Variants in MZT2A observed in about 807,000 individuals in gnomAD.
MZT2A encodes mitotic-spindle organizing protein 2A.
In MZT2A, 8 loss-of-function variants were observed where a neutral mutation model predicts 12.4. That is an observed-to-expected ratio of 0.64 (90% CI 0.38 to 1.16). The LOEUF (loss-of-function observed/expected upper bound fraction) is 1.16, where lower values mean the gene tolerates loss of function less well. Among genes scored for constraint, MZT2A ranks in the 50% most tolerant of loss-of-function variants. The pLI is 0.01. For missense variants in MZT2A, 181 were observed against 223.6 expected, an observed-to-expected ratio of 0.81 and a Z score of 1.22; for synonymous variants, 88 against 107.5, an observed-to-expected ratio of 0.82 and a Z score of 1.12.
intron 2 of MZT2A, chr2:131,489,872 C>T (rs1679217568): frequency 5.2e-6 from 5 of 970,052 alleles, no homozygotes; most frequent in Non-Finnish European, 4.9e-6. Context: ...CACTTCCCTG[C>T]CACGCCCTCT....
upstream of MZT2A, chr2:131,492,959 G>C (rs1437130167): frequency 1.5e-5 from 23 of 1,523,490 alleles, no homozygotes; most frequent in African/African-American, 8.3e-5. Flanking sequence ...CTCCCTGGCC[G>C]GCCGGCCGGC....
chr2:131,475,950 C>G, intron 2 of MZT2A: 1 of 680,342 alleles, frequency 1.5e-6, no homozygotes, highest in Non-Finnish European at 2.4e-6. Flanking sequence ...TTGATGACCC[C>G]CGCTGCCTTC....
At chr2:131,490,262 T>C (rs1183397431) in intron 2 of MZT2A, 18 of 952,302 alleles carry the variant, frequency 1.9e-5, no homozygotes, top group Admixed American at 1.5e-4. Context: ...GACCAGCACA[T>C]GGCATCTGTG....
chr2:131,491,242 C>A (rs559556848), intron 2 of MZT2A: 151 of 384,372 alleles, frequency 3.9e-4, no homozygotes, highest in Non-Finnish European at 6.3e-4. Flanking sequence ...AGTCACCACA[C>A]TGGAGAGGGA....
At chr2:131,492,103 G>A in intron 1 of MZT2A, 79 bp from the exon 2 acceptor site, 3 of 1,561,220 alleles carry the variant, frequency 1.9e-6, no homozygotes, top group African/African-American at 1.4e-5. Flanking sequence ...CAAGGACGGG[G>A]GCGGGGGCAG....
chr2:131,471,562 T>C (rs1000676597), intron 3 of MZT2A, among the ~76,000 whole-genome samples: 2 of 149,510 alleles, frequency 1.3e-5, no homozygotes, highest in Admixed American at 6.6e-5. Context: ...TATAAAGGAG[T>C]TATGGGGGAA....
chr2:131,481,529 G>A (rs1224543432), downstream of MZT2A, among the ~76,000 whole-genome samples: 3 of 149,866 alleles, frequency 2.0e-5, no homozygotes, highest in African/African-American at 5.0e-5. Context: ...TCCACCTCCC[G>A]GGCTCAAGCA....
At chr2:131,481,815 A>G (rs1678874317), downstream of MZT2A, among the ~76,000 whole-genome samples, 1 of 151,988 alleles carries the variant, frequency 6.6e-6, no homozygotes, top group Non-Finnish European at 1.5e-5. Context: ...TGATCTGCCC[A>G]CCTGTCTCCC....
chr2:131,480,970 C>T (rs1356769247), downstream of MZT2A, among the ~76,000 whole-genome samples: 3 of 151,486 alleles, frequency 2.0e-5, no homozygotes, highest in Non-Finnish European at 4.4e-5. Context: ...GTGGTGCGAT[C>T]TCAGCTAACT....
chr2:131,477,000 G>C (rs536139974), intron 2 of MZT2A, among the ~76,000 whole-genome samples: 2 of 141,602 alleles, frequency 1.4e-5, no homozygotes, highest in Non-Finnish European at 3.0e-5. Context: ...AATAGCTGTG[G>C]TTTGTCAGTT....
intron 3 of MZT2A, among the ~76,000 whole-genome samples, chr2:131,470,864 T>C (rs1334052089): frequency 1.4e-5 from 2 of 147,490 alleles, no homozygotes; most frequent in East Asian, 3.9e-4. Context: ...CTGGGCAAAA[T>C]AGTGAGACCT....
At chr2:131,492,782 G>GC (rs113625486), upstream of MZT2A, 8 of 1,248,758 alleles carry the variant, frequency 6.4e-6, no homozygotes, top group Admixed American at 6.0e-5. Context: ...GTCGCTCTTC[G>GC]GGGGGGGTGG....
At chr2:131,477,418 G>C (rs1269134319) in intron 2 of MZT2A, among the ~76,000 whole-genome samples, 3 of 152,176 alleles carry the variant, frequency 2.0e-5, no homozygotes, top group Admixed American at 6.5e-5. Flanking sequence ...GCTTCAAGGG[G>C]TAGAGAGAGG....
At chr2:131,492,160 G>C (rs1679346332) in intron 1 of MZT2A, 47 bp downstream of exon 1, 1 of 1,535,722 alleles carries the variant, frequency 6.5e-7, no homozygotes, top group Admixed American at 2.0e-5. Context: ...GGAGAGCAGA[G>C]GTCGGGGGTG....
chr2:131,491,915 C>G lies in MZT2A; in HGVS notation c.280G>C (p.Ala94Pro), dbSNP rs1198371917. 1 of 1,527,314 alleles carries G rather than the reference C, an allele frequency of 6.5e-7. No homozygotes were observed. Among genetic ancestry groups the G allele is most frequent in the Admixed American group, 2.0e-5 (1 of 50,404 alleles). 94.6% of individuals were successfully genotyped at this position (1,527,314 alleles called of 1,614,324 possible). ...ACGCTCGACGTGGGCAGAGACACGG[C>G]CGCAGGGTCCTGGGGCTCGCTCGCT... The part of the protein sequence containing the change: ...RLASEPQDPA[A>P]VSLPTSSVPE... Residue 94 changes from alanine (A) to proline (P), a missense_variant, in exon 2 of 3, where the codon GCC (alanine) becomes CCC (proline). Around this residue, in one of 3 missense-constraint regions of MZT2A, gnomAD observed 3 missense variants for 19.6 expected, o/e 0.15. Transcript: ENST00000309451.
At chr2:131,472,965 T>C (rs566199520) in intron 2 of MZT2A, among the ~76,000 whole-genome samples, 3 of 151,452 alleles carry the variant, frequency 2.0e-5, no homozygotes, top group Non-Finnish European at 2.9e-5. Flanking sequence ...GTGACTGTAG[T>C]TGGGGACAGG....
intron 2 of MZT2A, among the ~76,000 whole-genome samples, chr2:131,474,992 G>A (rs1223460525): frequency 1.3e-5 from 2 of 151,676 alleles, no homozygotes; most frequent in African/African-American, 2.4e-5. Context: ...ATGGAGTTTC[G>A]CTCTGTCGCC....
At chr2:131,469,808 CTT>C (rs1267806186) in intron 4 of MZT2A, 11 of 131,466 alleles carry the variant, frequency 8.4e-5, no homozygotes, top group East Asian at 2.0e-4. Context: ...TCCTCCCCCC[CTT>C]TTTTTTTTTT....
At chr2:131,478,208 C>T (rs767332287) in intron 2 of MZT2A, 35 of 1,613,954 alleles carry the variant, frequency 2.2e-5, no homozygotes, top group Admixed American at 8.3e-5. Context: ...GTGTCCAGAT[C>T]GGCAATGCCT....
Sources: gnomAD v4.1 joint callset for allele counts (sites outside exome capture counted in the v4.1 genomes callset) on GRCh38, gnomAD v4.1.1 for gene constraint, gnomAD v4.1.1 regional missense constraint, MANE v1.5 for transcripts, NCBI Gene and HGNC (gene_info 2026-07-23, HGNC 2026-07-21) for gene names.